The following SLC45A4 variants were observed in gnomAD, a reference collection of about 807,000 sequenced individuals.
SLC45A4 encodes the protein polyamine-transporter SLC45A4.
In SLC45A4, 32 loss-of-function variants were observed where a neutral mutation model predicts 63.7. That is an observed-to-expected ratio of 0.50 (90% CI 0.38 to 0.67). The LOEUF (loss-of-function observed/expected upper bound fraction) is 0.67, where lower values mean the gene tolerates loss of function less well. Ranked by LOEUF, SLC45A4 falls within the 30% of genes least tolerant of loss-of-function variation. The pLI is 0.00. For missense variants in SLC45A4, 1,027 were observed against 1,157.7 expected (o/e 0.89, Z 1.64); for synonymous variants, 535 against 510.0 (o/e 1.05, Z -0.66).
chr8:141,300,598 G>A (rs12675053), intron 1 of SLC45A4, among the ~76,000 whole-genome samples: 17,281 of 152,200 alleles, frequency 0.11, 1,599 homozygotes, highest in East Asian at 0.43. Flanking sequence ...GCCTCGCTCC[G>A]GAACAGGCAC....
At chr8:141,231,555 C>T (rs1238931626) in intron 2 of SLC45A4, among the ~76,000 whole-genome samples, 1 of 152,246 alleles carries the variant, frequency 6.6e-6, no homozygotes, top group Non-Finnish European at 1.5e-5. Context: ...CACCCAGCAA[C>T]AGCAGGTGGG....
chr8:141,281,156 T>C (rs1308491309), intron 1 of SLC45A4, among the ~76,000 whole-genome samples: 2 of 151,912 alleles, frequency 1.3e-5, no homozygotes, highest in Non-Finnish European at 2.9e-5. Context: ...CTGGCCAACA[T>C]AGTGAAACCC....
chr8:141,221,844 GGC>G (rs2154614090), intron 2 of SLC45A4, 79 bp from the exon 3 acceptor site: 2 of 1,498,886 alleles, frequency 1.3e-6, no homozygotes, highest in East Asian at 4.6e-5. Context: ...CCCCGCGACA[GGC>G]AGGTGCCTCT....
chr8:141,271,530 A>G (rs1238940667), intron 1 of SLC45A4, among the ~76,000 whole-genome samples: 1 of 152,166 alleles, frequency 6.6e-6, no homozygotes, highest in African/African-American at 2.4e-5. Flanking sequence ...CTACCTCGAG[A>G]GGCTGTGTGG....
chr8:141,227,381 A>G lies in SLC45A4; in HGVS notation c.242-5616T>C, dbSNP rs1337469077. Among the ~76,000 whole-genome samples the G allele has an allele frequency of 6.6e-6, 1 of 152,142 alleles. No individual in the cohort carries two copies. Among genetic ancestry groups the G allele is most frequent in the Non-Finnish European group, 1.5e-5 (1 of 68,014 alleles). ...TATAAATGTTTAACAAAAGATCCGC[A>G]ATGGGAACAGGAACTTGCATTCTTT... On this transcript the variant is annotated intron_variant, in intron 2 of 8. Transcript: ENST00000517878. The surrounding 1 kb of genome is among the most constrained non-coding windows in gnomAD (Gnocchi z 4.4).
intron 1 of SLC45A4, among the ~76,000 whole-genome samples, chr8:141,300,106 T>C (rs974296680): frequency 1.3e-5 from 2 of 152,156 alleles, no homozygotes; most frequent in Admixed American, 1.3e-4. Flanking sequence ...ATGGCCGAAT[T>C]GGAAGTGACG....
chr8:141,228,655 T>C (rs1352681460), intron 2 of SLC45A4: 3 of 1,033,640 alleles, frequency 2.9e-6, no homozygotes, highest in Non-Finnish European at 2.3e-6. Context: ...GATGTTATCG[T>C]AGCTGTATAA....
At chr8:141,303,567 C>T (rs1460438451) in intron 1 of SLC45A4, among the ~76,000 whole-genome samples, 1 of 152,164 alleles carries the variant, frequency 6.6e-6, no homozygotes, top group Non-Finnish European at 1.5e-5. Flanking sequence ...ATGCATTTTT[C>T]ACTCAAGATT....
chr8:141,234,011 T>C (rs1172377411), intron 2 of SLC45A4, among the ~76,000 whole-genome samples: 2 of 152,258 alleles, frequency 1.3e-5, no homozygotes, highest in Non-Finnish European at 2.9e-5. Flanking sequence ...TGCAGAAATC[T>C]GTAAACATCA....
intron 1 of SLC45A4, among the ~76,000 whole-genome samples, chr8:141,287,339 G>C (rs1213124355): frequency 6.6e-6 from 1 of 152,222 alleles, no homozygotes; most frequent in Non-Finnish European, 1.5e-5. Context: ...TCGTGACTCA[G>C]CTGCTCTGAT....
Position 141,215,853 on chromosome 8 carries a change from A to G in SLC45A4, c.1847T>C (p.Val616Ala), listed in dbSNP as rs1243288483. ...AVMAMFPNVY[V>A]AMVTISTMGI... The stretch of plus-strand genomic sequence containing the variant: ...CATGGTGCTGATGGTGACCATGGCG[A>G]CGTAGACGTTGGGAAACATGGCCAT... The change falls in exon 7 of 9, where the codon GTC (valine) becomes GCC (alanine). Residue 616 changes from valine to alanine, a missense_variant. By Grantham distance (64) the Val-to-Ala change is moderately conservative. Coordinates refer to ENST00000517878, the MANE Select transcript of SLC45A4 (RefSeq NM_001286646.2). This position sits in a 1 kb window ranked among gnomAD's most constrained non-coding sequence, Gnocchi z 4.3. 6.2e-7 allele frequency: 1 copy of G among 1,614,144 alleles called. No individual in the cohort carries two copies. Among genetic ancestry groups the G allele is most frequent in the Admixed American group, 1.7e-5 (1 of 60,028 alleles).
chr8:141,230,148 TAG>T (rs1827268447), intron 2 of SLC45A4: 1 of 455,878 alleles, frequency 2.2e-6, no homozygotes, highest in Admixed American at 2.4e-5. Context: ...GCCCGGTGAG[TAG>T]ACTCTTGGAA....
At chr8:141,238,955 C>T (rs1430136515) in intron 2 of SLC45A4, among the ~76,000 whole-genome samples, 1 of 152,184 alleles carries the variant, frequency 6.6e-6, no homozygotes, top group Non-Finnish European at 1.5e-5. Flanking sequence ...TAAAGTCTCC[C>T]CAGGTTCCTC....
chr8:141,290,238 G>A (rs769683271), intron 1 of SLC45A4, among the ~76,000 whole-genome samples: 2 of 152,020 alleles, frequency 1.3e-5, no homozygotes, highest in African/African-American at 4.8e-5. Context: ...ATCTGGCTGT[G>A]AGCTCACCAC....
chr8:141,253,540 G>C (rs1181739311), intron 2 of SLC45A4, among the ~76,000 whole-genome samples: 2 of 152,356 alleles, frequency 1.3e-5, no homozygotes, highest in East Asian at 3.9e-4. Context: ...GGGTTGGTTT[G>C]CGAATGCAAT....
At chr8:141,303,156 T>C (rs529239564) in intron 1 of SLC45A4, among the ~76,000 whole-genome samples, 1 of 152,034 alleles carries the variant, frequency 6.6e-6, no homozygotes, top group South Asian at 2.1e-4. Context: ...AGACACCGCA[T>C]CCGGCTAATT....
chr8:141,307,519 G>C (rs1830934496), intron 1 of SLC45A4, among the ~76,000 whole-genome samples: 1 of 149,298 alleles, frequency 6.7e-6, no homozygotes, highest in Non-Finnish European at 1.5e-5. Context: ...AGAGGGAAAG[G>C]AGGGGAAGAA....
intron 1 of SLC45A4, among the ~76,000 whole-genome samples, chr8:141,305,315 T>G (rs1830864631): frequency 6.6e-6 from 1 of 152,228 alleles, no homozygotes; most frequent in Admixed American, 6.5e-5. Flanking sequence ...TTTGGGGTCC[T>G]CTCACCCCTT....
chr8:141,289,140 G>A (rs187666348), intron 1 of SLC45A4, among the ~76,000 whole-genome samples: 9 of 152,294 alleles, frequency 5.9e-5, no homozygotes, highest in East Asian at 3.9e-4. Context: ...CGGAGAAGGC[G>A]GTGCCAGGGA....
Sources: allele counts gnomAD v4.1 joint callset (sites outside exome capture counted in the v4.1 genomes callset), GRCh38; gene constraint gnomAD v4.1.1; non-coding constraint Gnocchi (gnomAD v3.1); transcripts MANE v1.5; gene names NCBI Gene and HGNC (gene_info 2026-07-23, HGNC 2026-07-21).